GCFC2: variants seen among roughly 807,000 people sequenced by gnomAD.
The protein encoded by GCFC2 is GC-rich sequence DNA-binding factor 2, also known as intron Large complex component GCFC2.
A neutral mutation model predicts 99.4 loss-of-function variants in GCFC2; 102 were observed. The observed-to-expected ratio is 1.03, with a 90% CI of 0.87 to 1.21. GCFC2 has a LOEUF of 1.21. GCFC2 is among the 50% of genes most tolerant of loss of function. The pLI is 0.00. For synonymous variants in GCFC2, 338 were observed against 316.8 expected (o/e 1.07, Z -0.71); for missense variants, 973 against 920.9 (o/e 1.06, Z -0.73).
chr2:75,712,512 A>T (rs919169285), upstream of GCFC2, among the ~76,000 whole-genome samples: 6 of 152,182 alleles, frequency 3.9e-5, no homozygotes, highest in African/African-American at 1.2e-4. Flanking sequence ...AATCAGCAGG[A>T]TGTGGGTGGG....
At chr2:75,700,980 C>G (rs111505321) in intron 4 of GCFC2, among the ~76,000 whole-genome samples, 67 of 152,232 alleles carry the variant, frequency 4.4e-4, no homozygotes, top group African/African-American at 1.6e-3. Context: ...CCTGGAATGA[C>G]CAGAAGTTGC....
intron 2 of GCFC2, among the ~76,000 whole-genome samples, chr2:75,705,416 G>A (rs1363059942): frequency 6.6e-6 from 1 of 151,932 alleles, no homozygotes; most frequent in African/African-American, 2.4e-5. Context: ...GAGGTCAGGA[G>A]ATCGAGACCA....
intron 11 of GCFC2, among the ~76,000 whole-genome samples, chr2:75,685,060 G>A (rs1438416495): frequency 2.0e-5 from 3 of 152,122 alleles, no homozygotes; most frequent in Admixed American, 2.0e-4. Context: ...GGGCCTTTTG[G>A]GGGTCAGGGG....
rs1448204829 is a variant in GCFC2 at position 75,691,585 on chromosome 2, A to C, written c.1144+392T>G. Among the ~76,000 whole-genome samples, 4 of 152,032 alleles carry C rather than the reference A, an allele frequency of 2.6e-5. No individual in the cohort carries two copies. The East Asian group carries it at 7.7e-4, about 29-fold the overall frequency. On this transcript the variant is annotated intron_variant, in intron 7 of 16. Transcript: ENST00000321027. ...AAATCAATGCGAAAAAAAAAAGAGG[A>C]GGCATCCGTATTTTATATAATGAGA...
At chr2:75,685,701 A>G (rs1297862406) in intron 11 of GCFC2, among the ~76,000 whole-genome samples, 1 of 152,082 alleles carries the variant, frequency 6.6e-6, no homozygotes, top group Non-Finnish European at 1.5e-5. Context: ...AATGCCATCA[A>G]TAAATGTCAT....
At chr2:75,699,647 G>C (rs143563265) in intron 4 of GCFC2, among the ~76,000 whole-genome samples, 199 of 152,226 alleles carry the variant, frequency 1.3e-3, no homozygotes, top group African/African-American at 4.4e-3. Flanking sequence ...TGTGATCATA[G>C]CTCACTGCAC....
At position 75,703,200 on chromosome 2, in the gene GCFC2, C is replaced by T. The variant is rs1398735745; in HGVS notation, c.395-777G>A. Among the ~76,000 whole-genome samples, 5 of 152,176 alleles carry T rather than the reference C, an allele frequency of 3.3e-5. No individual in the cohort carries two copies. The East Asian group carries it at 5.8e-4, about 18-fold the overall frequency. ...AAATTTATCTTCATTCTGGAAAAAACGGTTTCTTAAGAAAAATACTACATT... is the reference window on the plus strand; with the variant it reads ...AAATTTATCTTCATTCTGGAAAAAATGGTTTCTTAAGAAAAATACTACATT... On this transcript the variant is annotated intron_variant, in intron 2 of 16. Transcript: ENST00000321027.
chr2:75,686,224 T>C (rs180854393), intron 11 of GCFC2, among the ~76,000 whole-genome samples: 185 of 152,320 alleles, frequency 1.2e-3, no homozygotes, highest in Admixed American at 3.1e-3. Flanking sequence ...ATAAGTTTCA[T>C]TGAAATAAAA....
rs777702208 is a variant in GCFC2, at chr2:75,670,139, TG to T, written c.2101del (p.Gln701ArgfsTer2). ...PGPDVVKKCN[Q>X]VAACLPEKWF... ...AATCAGTCTTCCTTCACAACTTACC[TG>T]GTTGCACTTTTTAACCACATCTGGC... On this transcript the variant is annotated frameshift_variant and splice_region_variant, in exon 15 of 17. Transcript: ENST00000321027. LOFTEE classifies it high-confidence loss of function. 5.0e-6 allele frequency: 8 copies of T among 1,593,878 alleles called. No individual in the cohort carries two copies. In the African/African-American group the frequency reaches 9.4e-5, roughly 19 times the overall value.
chr2:75,710,962 G>C (rs916671563), upstream of GCFC2: 5 of 1,368,272 alleles, frequency 3.7e-6, no homozygotes, highest in South Asian at 6.8e-5. Context: ...CGCCGAGTGC[G>C]CGCGCCCGTC....
chr2:75,687,356 G>A (rs181814981), intron 11 of GCFC2, among the ~76,000 whole-genome samples: 11 of 152,214 alleles, frequency 7.2e-5, no homozygotes, highest in Admixed American at 6.5e-4. Flanking sequence ...TAAAAGCAGC[G>A]GGAATGCCAC....
intron 11 of GCFC2, among the ~76,000 whole-genome samples, chr2:75,683,260 A>G (rs978338389): frequency 6.6e-6 from 1 of 151,964 alleles, no homozygotes; most frequent in Non-Finnish European, 1.5e-5. Flanking sequence ...CAGAAACCCT[A>G]CAAGCTACAA....
At chr2:75,670,960 T>C (rs1393340629) in intron 14 of GCFC2, among the ~76,000 whole-genome samples, 4 of 152,190 alleles carry the variant, frequency 2.6e-5, no homozygotes, top group African/African-American at 9.6e-5. Flanking sequence ...CAGAAAGCCT[T>C]TTCCCTGATT....
Position 75,670,166 on chromosome 2 carries a change from C to T in GCFC2, c.2075G>A (p.Gly692Glu), listed in dbSNP as rs147857608. The change falls in exon 15 of 17, where the codon GGG becomes GAG. Residue 692 changes from glycine (G) to glutamate (E), a missense_variant. Transcript: ENST00000321027. ...LIIALLNATP[G>E]PDVVKKCNQV... ...GTTGCACTTTTTAACCACATCTGGC[C>T]CAGGTGTGGCATTGAGAAGTGCTAT... 6 of 1,609,082 alleles carry T rather than the reference C, an allele frequency of 3.7e-6. No homozygotes were observed. The African/African-American group carries it at 8.0e-5, about 22-fold the overall frequency.
chr2:75,711,580 C>G (rs1244983223), upstream of GCFC2, among the ~76,000 whole-genome samples: 1 of 152,266 alleles, frequency 6.6e-6, no homozygotes, highest in Non-Finnish European at 1.5e-5. Context: ...CTGTTATCAA[C>G]TCCATGTTTA....
rs181079805 is a variant in GCFC2, at chr2:75,684,229, G to A, written c.1690+3598C>T. 3.0e-3 allele frequency among the ~76,000 whole-genome samples: 463 copies of A among 152,276 alleles called. 3 individuals carry two copies. The highest frequency in any genetic ancestry group is 0.01 in the African/African-American group (436 of 41,556). ...TCTAAAACTGACCACATAATTGGAA[G>A]TAAAACACTCCTCAGCAAATGCAAA... On this transcript the variant is annotated intron_variant, in intron 11 of 16. Coordinates refer to ENST00000321027, the MANE Select transcript of GCFC2 (RefSeq NM_003203.5).
In GCFC2 at chr2:75,664,235, A is replaced by G. The variant is rs1678729500; in HGVS notation, c.*431T>C. On this transcript the variant is annotated 3_prime_UTR_variant, in exon 17 of 17. Transcript: ENST00000321027. ...GCCTTAATCATTTAATACTTAGCAA[A>G]TAATTCACTCCAACTGAGATTTTCA... 1 of 152,572 alleles carries G rather than the reference A, an allele frequency of 6.6e-6. No homozygotes were observed. The highest frequency in any genetic ancestry group is 2.1e-4 in the South Asian group (1 of 4,840). 9.5% of individuals were successfully genotyped at this position (152,572 alleles called of 1,614,324 possible).
chr2:75,679,462 GAGA>G (rs1478049193), intron 12 of GCFC2, among the ~76,000 whole-genome samples: 1 of 152,130 alleles, frequency 6.6e-6, no homozygotes, highest in African/African-American at 2.4e-5. Context: ...ATGAAAGAGT[GAGA>G]AGATTCTCAG....
chr2:75,702,090 T>C, intron 3 of GCFC2, 109 bp downstream of exon 3: 1 of 1,489,464 alleles, frequency 6.7e-7, no homozygotes, highest in Admixed American at 2.1e-5. Flanking sequence ...TAAAAACCAT[T>C]ATCAACACTA....
Sources: gnomAD v4.1 joint callset for allele counts (sites outside exome capture counted in the v4.1 genomes callset) on GRCh38, gnomAD v4.1.1 for gene constraint, MANE v1.5 for transcripts, NCBI Gene and HGNC (gene_info 2026-07-23, HGNC 2026-07-21) for gene names.